The following LZIC variants were observed in gnomAD, a reference collection of about 807,000 sequenced individuals.
LZIC encodes the protein protein LZIC.
In LZIC, 28 loss-of-function variants were observed where a neutral mutation model predicts 25.4. The ratio of observed to expected loss-of-function variants is 1.10; its 90% confidence interval spans 0.82 to 1.51. The LOEUF (loss-of-function observed/expected upper bound fraction) is 1.51, where lower values mean the gene tolerates loss of function less well. LZIC is among the 40% of genes most tolerant of loss of function. The pLI, the probability that LZIC is intolerant of heterozygous loss-of-function variation, is 0.00. For missense variants in LZIC, 170 were observed against 211.1 expected (o/e 0.81, Z 1.21); for synonymous variants, 65 against 70.7 (o/e 0.92, Z 0.40).
chr1:9,937,316 G>A lies in LZIC; in HGVS notation c.-8-689C>T, dbSNP rs184866473. Reference sequence around the variant, plus strand: ...GCTGAGGCAGGAGAATGGTGTGAACGCGGGAGGCAGAGCTTGCAGTGAGCC... The same window carrying A: ...GCTGAGGCAGGAGAATGGTGTGAACACGGGAGGCAGAGCTTGCAGTGAGCC... On this transcript the variant is annotated intron_variant, in intron 2 of 7. Transcript: ENST00000377223. Among the ~76,000 whole-genome samples the A allele has an allele frequency of 8.6e-4, 130 of 151,808 alleles. 1 individual carries two copies. Among genetic ancestry groups the A allele is most frequent in the Non-Finnish European group, 1.5e-3 (103 of 67,914 alleles).
At chr1:9,931,834 G>C in intron 7 of LZIC, 57 bp downstream of exon 7, 1 of 1,120,168 alleles carries the variant, frequency 8.9e-7, no homozygotes, top group Middle Eastern at 2.0e-4. Context: ...CCATCAGTTT[G>C]TATGTAATAT....
Position 9,930,159 on chromosome 1 carries a change from C to T in LZIC, c.*240G>A, listed in dbSNP as rs761634135. The stretch of plus-strand genomic sequence containing the variant: ...TCTTAAACAGACAAATCATAACGAA[C>T]AGAGTCCAGTGAGTCCCTCTGTCGC... On this transcript the variant is annotated 3_prime_UTR_variant, in exon 8 of 8. Transcript: ENST00000377223. The T allele has an allele frequency of 8.2e-5, 104 of 1,270,814 alleles. No homozygotes were observed. Among genetic ancestry groups the T allele is most frequent in the Non-Finnish European group, 1.0e-4 (101 of 1,002,630 alleles). The allele number at this position is 1,270,814 out of a possible 1,614,324, so 78.7% of individuals were successfully genotyped here.
rs1002502538 is a variant in LZIC, at chr1:9,928,947, T to C, written c.*1452A>G. On this transcript the variant is annotated 3_prime_UTR_variant, in exon 8 of 8. Transcript: ENST00000377223. The stretch of plus-strand genomic sequence containing the variant: ...CATAAAAAGGTCACATATCATATGA[T>C]TCCATTTATATGAAATATCCAGAAT... 6.6e-6 allele frequency: 1 copy of C among 151,820 alleles called. No homozygotes were observed. The highest frequency in any genetic ancestry group is 1.5e-5 in the Non-Finnish European group (1 of 68,000). The allele number at this position is 151,820 out of a possible 1,614,324, so 9.4% of individuals were successfully genotyped here.
chr1:9,933,202 C>T lies in LZIC; in HGVS notation c.337-304G>A, dbSNP rs868745492. ...CCCGGGAGGTGGAGCTTGCAGTGAG[C>T]CGAGATAGCGCCACTGCACTCCAGC... On this transcript the variant is annotated intron_variant, in intron 5 of 7. Transcript: ENST00000377223. Among the ~76,000 whole-genome samples the T allele has an allele frequency of 1.6e-4, 21 of 129,376 alleles. No homozygotes were observed. The South Asian group carries it at 2.0e-3, about 12-fold the overall frequency. The allele number at this position is 129,376 out of a possible 152,430, so 84.9% of individuals were successfully genotyped here. A position where few individuals can be genotyped will look rare whatever the true frequency, so the allele number is the denominator to read the frequency against.
chr1:9,942,590 A>G lies in LZIC; in HGVS notation c.-9+34T>C, dbSNP rs1000274119. The G allele has an allele frequency of 4.6e-5, 50 of 1,095,758 alleles. 1 individual carries two copies. Among genetic ancestry groups the G allele is most frequent in the African/African-American group, 2.8e-4 (17 of 61,774 alleles). 67.9% of individuals were successfully genotyped at this position (1,095,758 alleles called of 1,614,324 possible). A position where few individuals can be genotyped will look rare whatever the true frequency, so the allele number is the denominator to read the frequency against. ...ACTACAGAAACCGCTCTCAGACACT[A>G]TATCTGGAGCGGAGGGTCCTCATTC... is the stretch of plus-strand genomic sequence containing the variant. On this transcript the variant is annotated intron_variant, in intron 2 of 7. Coordinates refer to ENST00000377223, the MANE Select transcript of LZIC (RefSeq NM_032368.5).
intron 2 of LZIC, among the ~76,000 whole-genome samples, chr1:9,940,190 G>A (rs906333812): frequency 4.7e-5 from 7 of 149,786 alleles, no homozygotes; most frequent in Non-Finnish European, 8.9e-5. Flanking sequence ...TTTTTTGTTT[G>A]TTTTGAGACA....
downstream of LZIC, among the ~76,000 whole-genome samples, chr1:9,922,524 T>G (rs536306979): frequency 6.0e-4 from 91 of 152,330 alleles, no homozygotes; most frequent in African/African-American, 2.0e-3. Flanking sequence ...TCCTAGGAGA[T>G]AAAAAGGCGC....
In LZIC at chr1:9,927,675, CCT is replaced by C. The variant is rs1014524740; in HGVS notation, c.*2722_*2723del. On this transcript the variant is annotated 3_prime_UTR_variant, in exon 8 of 8. Coordinates refer to ENST00000377223, the MANE Select transcript of LZIC (RefSeq NM_032368.5). ...TGCAGGGTAAGGGAAGAATCTTCTTCCTCTTTTTTTTTTTTTTTTTTTTTTTG... is the reference window on the plus strand; with the variant it reads ...TGCAGGGTAAGGGAAGAATCTTCTTCCTTTTTTTTTTTTTTTTTTTTTTTG... 1.4e-5 allele frequency among the ~76,000 whole-genome samples: 2 copies of C among 141,726 alleles called. No individual in the cohort carries two copies. The highest frequency in any genetic ancestry group is 2.8e-5 in the African/African-American group (1 of 36,038). The allele number at this position is 141,726 out of a possible 152,430, so 93.0% of individuals were successfully genotyped here. A position where few individuals can be genotyped will look rare whatever the true frequency, so the allele number is the denominator to read the frequency against.
intron 5 of LZIC, among the ~76,000 whole-genome samples, chr1:9,933,634 A>G (rs1025080141): frequency 2.6e-5 from 4 of 152,134 alleles, no homozygotes; most frequent in African/African-American, 7.2e-5. Context: ...GGCCAGGTAC[A>G]GTGGCTCATG....
At position 9,931,898 on chromosome 1, in the gene LZIC, T is replaced by A. The variant is rs758944550; in HGVS notation, c.507A>T (p.Thr169=). The stretch of plus-strand genomic sequence containing the variant: ...AAATATGAGGGCACTCACCAAGGTC[T>A]GTAGAGACTTTCTCAAACTGGCTGA... ...AILSQFEKVS[T]DLGSGDKILA... is the part of the protein sequence containing the mutation. The change falls in exon 7 of 8, where the codon ACA becomes ACT. Residue 169 remains threonine, a synonymous_variant. Transcript: ENST00000377223. The A allele has an allele frequency of 6.2e-7, 1 of 1,612,588 alleles. No homozygotes were observed. The highest frequency in any genetic ancestry group is 1.7e-5 in the Admixed American group (1 of 59,820).
Position 9,942,633 on chromosome 1 carries a change from A to AAG in LZIC, c.-19_-18insCT. The AAG allele has an allele frequency of 1.6e-6, 2 of 1,284,938 alleles. No homozygotes were observed. Among genetic ancestry groups the AAG allele is most frequent in the Non-Finnish European group, 2.0e-6 (2 of 985,148 alleles). The allele number at this position is 1,284,938 out of a possible 1,614,324, so 79.6% of individuals were successfully genotyped here. A position where few individuals can be genotyped will look rare whatever the true frequency, so the allele number is the denominator to read the frequency against. On this transcript the variant is annotated 5_prime_UTR_variant, in exon 2 of 8. It removes the in-frame stop codon of an upstream open reading frame in the 5' UTR. Coordinates refer to ENST00000377223, the MANE Select transcript of LZIC (RefSeq NM_032368.5). ...CCTCATTCATGCTCACCTGTCTCTT[A>AAG]GTACTCTGATCTCTGCACAGTGCCG...
chr1:9,922,141 AT>A (rs1163394225), downstream of LZIC: 1 of 267,384 alleles, frequency 3.7e-6, no homozygotes, highest in Non-Finnish European at 5.8e-6. Context: ...GTAATTTATT[AT>A]TTGAAGAGAA....
intron 6 of LZIC, among the ~76,000 whole-genome samples, chr1:9,932,384 G>A (rs1055357470): frequency 6.7e-6 from 1 of 149,032 alleles, no homozygotes; most frequent in African/African-American, 2.5e-5. Context: ...GGCCGGGTGC[G>A]GTGGCTCACA....
At chr1:9,936,694 A>T in intron 2 of LZIC, 67 bp from the exon 3 acceptor site, 1 of 1,082,238 alleles carries the variant, frequency 9.2e-7, no homozygotes, top group Non-Finnish European at 1.4e-6. Flanking sequence ...TTTAAGTTTT[A>T]TTTTTTGTAG....
At chr1:9,922,767 C>T (rs941303173), downstream of LZIC, among the ~76,000 whole-genome samples, 27 of 152,222 alleles carry the variant, frequency 1.8e-4, no homozygotes, top group African/African-American at 6.3e-4. Flanking sequence ...ACACTTAGGA[C>T]ATTTTAAAAC....
intron 2 of LZIC, among the ~76,000 whole-genome samples, chr1:9,942,206 C>T (rs1640784001): frequency 6.6e-6 from 1 of 152,136 alleles, no homozygotes; most frequent in Non-Finnish European, 1.5e-5. Context: ...CGTGAGTCAC[C>T]GCGCCCAGCT....
In LZIC at chr1:9,929,414, G is replaced by T; in HGVS notation, c.*985C>A. The T allele has an allele frequency of 1.0e-6, 1 of 985,338 alleles. No individual in the cohort carries two copies. Among genetic ancestry groups the T allele is most frequent in the Non-Finnish European group, 1.2e-6 (1 of 829,886 alleles). 61.0% of individuals were successfully genotyped at this position (985,338 alleles called of 1,614,324 possible). ...CGCATAGGGACACATCTGCATATTT[G>T]AGCATACAGAGACATGTAAATACTC... On this transcript the variant is annotated 3_prime_UTR_variant, in exon 8 of 8. Coordinates refer to ENST00000377223, the MANE Select transcript of LZIC (RefSeq NM_032368.5).
chr1:9,935,596 T>C lies in LZIC; in HGVS notation c.133A>G (p.Thr45Ala), dbSNP rs1557440933. ...AGTTGCTCCAGAGTTTCCTTTTTGG[T>C]TTCTTCATATTCATCTGTATCAAGT... ...EELDTDEYEE[T>A]KKETLEQLSE... Residue 45 changes from threonine (T) to alanine (A), a missense_variant, in exon 4 of 8, where the codon ACC (threonine) becomes GCC (alanine). Coordinates refer to ENST00000377223, the MANE Select transcript of LZIC (RefSeq NM_032368.5). 5.6e-6 allele frequency: 9 copies of C among 1,610,444 alleles called. No homozygotes were observed. The highest frequency in any genetic ancestry group is 7.6e-6 in the Non-Finnish European group (9 of 1,179,130).
chr1:9,933,849 G>A (rs762006841), intron 5 of LZIC, among the ~76,000 whole-genome samples: 4 of 152,002 alleles, frequency 2.6e-5, no homozygotes, highest in Admixed American at 1.3e-4. Flanking sequence ...AGGCTACAGT[G>A]AGCCGAGATT....
Sources: gnomAD v4.1 joint callset for allele counts (sites outside exome capture counted in the v4.1 genomes callset) on GRCh38, gnomAD v4.1.1 for gene constraint, MANE v1.5 for transcripts, NCBI Gene and HGNC (gene_info 2026-07-23, HGNC 2026-07-21) for gene names.